NPHP4: variants seen among roughly 807,000 people sequenced by gnomAD.
NPHP4 encodes the protein nephrocystin-4.
A neutral mutation model predicts 155.8 loss-of-function variants in NPHP4; 151 were observed. The observed-to-expected ratio is 0.97, with a 90% CI of 0.85 to 1.11. The LOEUF (loss-of-function observed/expected upper bound fraction) is 1.11. NPHP4 is among the 50% of genes least tolerant of loss of function. The pLI is 0.00. For synonymous variants in NPHP4, 845 were observed against 816.8 expected (o/e 1.03, Z -0.59); for missense variants, 1,956 against 1,925.7 (o/e 1.02, Z -0.29).
At chr1:5,871,483 AGTACAAAGTATATTTTAGG>A (rs1243018360) in intron 23 of NPHP4, among the ~76,000 whole-genome samples, 3 of 152,242 alleles carry the variant, frequency 2.0e-5, no homozygotes, top group African/African-American at 7.2e-5. Context: ...CTCACTTTCA[AGTACAAAGTATATTTTAGG>A]GTAACCAAAC....
intron 18 of NPHP4, among the ~76,000 whole-genome samples, chr1:5,885,538 G>A (rs956794317): frequency 5.9e-5 from 9 of 152,254 alleles, no homozygotes; most frequent in Non-Finnish European, 1.2e-4. Flanking sequence ...CACCAAGCAT[G>A]AGGGCAGTCC....
At position 5,880,171 on chromosome 1, in the gene NPHP4, T is replaced by C; in HGVS notation, c.2554A>G (p.Asn852Asp). 6.2e-7 allele frequency: 1 copy of C among 1,613,730 alleles called. No individual in the cohort carries two copies. The highest frequency in any genetic ancestry group is 8.5e-7 in the Non-Finnish European group (1 of 1,179,788). The change falls in exon 19 of 30, where the codon AAC becomes GAC. Residue 852 changes from asparagine to aspartate, a missense_variant. Asn to Asp is a conservative substitution (Grantham distance 23). Transcript: ENST00000378156. ...LPPSRSRVIS[N>D]DGASRFSGGS... ...CCAGAGAAGCGGCTGGCTCCATCGT[T>C]TGAGATGACCCGAGATCTGGACGGT... is the stretch of plus-strand genomic sequence containing the variant.
In NPHP4 at chr1:5,867,069, G is replaced by C; in HGVS notation, c.3519C>G (p.Arg1173=). ...MLGEDPPVHV[R]CSDPNVICET... ...CACAGATGACGTTCGGGTCGCTGCA[G>C]CGAACATGGACTGGGGGGTCCTCAC... The change falls in exon 25 of 30, where the codon CGC becomes CGG. Residue 1173 remains arginine (R), a synonymous_variant. Transcript: ENST00000378156. The surrounding 1 kb of genome is among the most constrained non-coding windows in gnomAD (Gnocchi z 4.1). 1.2e-6 allele frequency: 2 copies of C among 1,613,256 alleles called. No homozygotes were observed. Among genetic ancestry groups the C allele is most frequent in the Non-Finnish European group, 1.7e-6 (2 of 1,179,638 alleles).
chr1:5,915,202 AGGCCTTGGGCCTTG>A lies in NPHP4; in HGVS notation c.1442-6003_1442-5990del, dbSNP rs762674764. On this transcript the variant is annotated intron_variant, in intron 11 of 29. Transcript: ENST00000378156. ...AGCTGGTGGAAGGCAGGGACGGGCCAGGCCTTGGGCCTTGGGCCTTGGGCCTTGGGGGTAGACTG... is the reference window on the plus strand; with the variant it reads ...AGCTGGTGGAAGGCAGGGACGGGCCAGGCCTTGGGCCTTGGGGGTAGACTG... 1.1e-3 allele frequency among the ~76,000 whole-genome samples: 163 copies of A among 152,064 alleles called. 1 individual carries two copies. The highest frequency in any genetic ancestry group is 4.3e-3 in the East Asian group (22 of 5,164).
chr1:5,874,685 G>T lies in NPHP4; in HGVS notation c.3045-28C>A, dbSNP rs367820227. 710 of 1,606,316 alleles carry T rather than the reference G, an allele frequency of 4.4e-4. 1 individual carries two copies. The highest frequency in any genetic ancestry group is 9.6e-4 in the Admixed American group (57 of 59,530). Reference sequence around the variant, plus strand: ...GGGGGAGGCAGTGTCCAGGCGTCAGGGCAGTTCTTCCCAGGAGGACCCACA... The same window carrying T: ...GGGGGAGGCAGTGTCCAGGCGTCAGTGCAGTTCTTCCCAGGAGGACCCACA... On this transcript the variant is annotated intron_variant, in intron 21 of 29. Coordinates refer to ENST00000378156, the MANE Select transcript of NPHP4 (RefSeq NM_015102.5).
At chr1:5,932,500 G>A (rs910174006) in intron 10 of NPHP4, among the ~76,000 whole-genome samples, 3 of 152,190 alleles carry the variant, frequency 2.0e-5, no homozygotes, top group African/African-American at 4.8e-5. Context: ...GCAGGGTTTC[G>A]CACTGTCTGT....
At chr1:5,874,762 G>A (rs1642394275) in intron 21 of NPHP4, 105 bp from the exon 22 acceptor site, 2 of 1,516,304 alleles carry the variant, frequency 1.3e-6, no homozygotes, top group South Asian at 2.3e-5. Flanking sequence ...GTGGGAGAGA[G>A]AAGTCAAATC....
chr1:5,863,239 G>T lies in NPHP4; in HGVS notation c.*26C>A, dbSNP rs533259623. The T allele has an allele frequency of 6.2e-7, 1 of 1,613,552 alleles. No homozygotes were observed. The highest frequency in any genetic ancestry group is 8.5e-7 in the Non-Finnish European group (1 of 1,179,476). ...CACAGACAGGCCCCAGCTGGGTGCCGCAGGAAGGACGTCACCCTCAAGCCC... is the reference window on the plus strand; with the variant it reads ...CACAGACAGGCCCCAGCTGGGTGCCTCAGGAAGGACGTCACCCTCAAGCCC... On this transcript the variant is annotated 3_prime_UTR_variant, in exon 30 of 30. Transcript: ENST00000378156.
chr1:5,882,405 G>A lies in NPHP4; in HGVS notation c.2486-2166C>T, dbSNP rs1643379806. The A allele has an allele frequency of 1.3e-5, 2 of 153,032 alleles. No homozygotes were observed. The highest frequency in any genetic ancestry group is 6.5e-5 in the Admixed American group (1 of 15,290). 9.5% of individuals were successfully genotyped at this position (153,032 alleles called of 1,614,324 possible). A position where few individuals can be genotyped will look rare whatever the true frequency, so the allele number is the denominator to read the frequency against. On this transcript the variant is annotated intron_variant, in intron 18 of 29. Coordinates refer to ENST00000378156, the MANE Select transcript of NPHP4 (RefSeq NM_015102.5). The surrounding 1 kb of genome is among the most constrained non-coding windows in gnomAD (Gnocchi z 5.1). ...GCGCTTACCCAGCCATCTCTTTCCAGGGGAATTAATTTCGTTCTTGCCAAT... is the reference window on the plus strand; with the variant it reads ...GCGCTTACCCAGCCATCTCTTTCCAAGGGAATTAATTTCGTTCTTGCCAAT...
chr1:5,961,794 C>T lies in NPHP4; in HGVS notation c.673G>A (p.Gly225Ser), dbSNP rs540402276. Residue 225 changes from glycine to serine, a missense_variant and splice_region_variant, in exon 6 of 30, where the codon GGC (glycine) becomes AGC (serine). Physicochemically the swap from Gly to Ser is moderately conservative, Grantham distance 56. Transcript: ENST00000378156. ...TGGAGAGAATCAAAGACGCCCTTAC[C>T]GGATTCTCCATGAGCTGGAAGCAGG... ...PGLLPAHGES[G>S]DALRKPRLQK... is the part of the protein sequence containing the mutation. 8.7e-6 allele frequency: 14 copies of T among 1,610,610 alleles called. No homozygotes were observed. Among genetic ancestry groups the T allele is most frequent in the East Asian group, 2.2e-5 (1 of 44,760 alleles).
Position 5,908,235 on chromosome 1 carries a change from C to T in NPHP4, c.1503+917G>A, listed in dbSNP as rs187294820. Among the ~76,000 whole-genome samples the T allele has an allele frequency of 3.3e-4, 51 of 152,298 alleles. 1 individual carries two copies. The highest frequency in any genetic ancestry group is 2.5e-3 in the South Asian group (12 of 4,828). On this transcript the variant is annotated intron_variant, in intron 12 of 29. Coordinates refer to ENST00000378156, the MANE Select transcript of NPHP4 (RefSeq NM_015102.5). ...ACGGTATCGTGACCACTCGGGGTCACGTGGAAACTGCTCCAGGGAAAATGC... is the reference window on the plus strand; with the variant it reads ...ACGGTATCGTGACCACTCGGGGTCATGTGGAAACTGCTCCAGGGAAAATGC...
In NPHP4 at chr1:5,876,233, G is replaced by A. The variant is rs577673728; in HGVS notation, c.2817+860C>T. Among the ~76,000 whole-genome samples the A allele has an allele frequency of 1.1e-4, 17 of 150,046 alleles. No homozygotes were observed. The East Asian group carries it at 3.0e-3, about 27-fold the overall frequency. Reference sequence around the variant, plus strand: ...CAAGCCCTGCCAGCTGGGAGGGAGGGAGGAAGGGAGGGAGGGAGGTGGGGT... The same window carrying A: ...CAAGCCCTGCCAGCTGGGAGGGAGGAAGGAAGGGAGGGAGGGAGGTGGGGT... On this transcript the variant is annotated intron_variant, in intron 20 of 29. Transcript: ENST00000378156.
At chr1:5,864,214 C>T (rs1244290673) in intron 28 of NPHP4, 124 bp downstream of exon 28, 4 of 1,152,788 alleles carry the variant, frequency 3.5e-6, no homozygotes, top group African/African-American at 3.1e-5. Flanking sequence ...CACTCATGCA[C>T]CCGGCCCTGC....
chr1:5,877,113 G>C lies in NPHP4; in HGVS notation c.2797C>G (p.Arg933Gly). 1 of 1,581,654 alleles carries C rather than the reference G, an allele frequency of 6.3e-7. No individual in the cohort carries two copies. The highest frequency in any genetic ancestry group is 8.6e-7 in the Non-Finnish European group (1 of 1,156,098). The change falls in exon 20 of 30, where the codon CGG becomes GGG. Residue 933 changes from arginine (R) to glycine (G), a missense_variant. By Grantham distance (125) the Arg-to-Gly change is moderately radical (BLOSUM62 -2). Transcript: ENST00000378156. ...RLQEAGGDLG[R>G]RGTSVLAQQS... ...CTTACCAACACGCTCGTCCCGCGCC[G>C]GCCCAAGTCTCCCCCGGCCTCCTGC...
At chr1:5,916,097 C>A (rs533652160) in intron 11 of NPHP4, among the ~76,000 whole-genome samples, 1 of 152,242 alleles carries the variant, frequency 6.6e-6, no homozygotes, top group East Asian at 1.9e-4. Flanking sequence ...ATTCTGACAC[C>A]ACCAGAGGAA....
chr1:5,990,341 G>C (rs1656044738), intron 1 of NPHP4, among the ~76,000 whole-genome samples: 1 of 152,138 alleles, frequency 6.6e-6, no homozygotes, highest in African/African-American at 2.4e-5. Context: ...CAAATGCCCT[G>C]GAGGAAGTGC....
chr1:5,888,248 C>T (rs1643920001), intron 17 of NPHP4: 3 of 803,402 alleles, frequency 3.7e-6, no homozygotes, highest in Non-Finnish European at 4.5e-6. Context: ...GCACTCTGCC[C>T]GAACGCCAAC....
chr1:5,909,033 C>A, intron 12 of NPHP4, 119 bp downstream of exon 12: 1 of 856,126 alleles, frequency 1.2e-6, no homozygotes, highest in Non-Finnish European at 1.9e-6. Context: ...CGCCAGCAGG[C>A]CCTCCCCAGC....
intron 11 of NPHP4, among the ~76,000 whole-genome samples, chr1:5,914,471 G>A (rs181381019): frequency 1.2e-3 from 181 of 152,158 alleles, no homozygotes; most frequent in Middle Eastern, 6.8e-3. Context: ...AGGGAGTCCC[G>A]GCACTGCCAG....
Sources: allele counts gnomAD v4.1 joint callset (sites outside exome capture counted in the v4.1 genomes callset), GRCh38; gene constraint gnomAD v4.1.1; non-coding constraint Gnocchi (gnomAD v3.1); transcripts MANE v1.5; gene names NCBI Gene and HGNC (gene_info 2026-07-23, HGNC 2026-07-21).